SGK1: variants seen among roughly 807,000 people sequenced by gnomAD.
The protein encoded by SGK1 is serine/threonine-protein kinase Sgk1.
A neutral mutation model predicts 64.2 loss-of-function variants in SGK1; 26 were observed. The ratio of observed to expected loss-of-function variants is 0.40; its 90% CI spans 0.30 to 0.56. The LOEUF is 0.56. SGK1 is among the 20% of genes least tolerant of loss of function. The pLI, the probability that SGK1 is intolerant of heterozygous loss-of-function variation, is 0.38. For synonymous variants in SGK1, 265 were observed against 239.7 expected, an observed-to-expected ratio of 1.11 and a Z score of -0.98; for missense variants, 519 against 645.6, an observed-to-expected ratio of 0.80 and a Z score of 2.12.
At chr6:134,247,939 T>C (rs1776549763) in intron 2 of SGK1, among the ~76,000 whole-genome samples, 1 of 152,130 alleles carries the variant, frequency 6.6e-6, no homozygotes. Context: ...ATCATGAAAA[T>C]ATATACAGCT....
intron 3 of SGK1, among the ~76,000 whole-genome samples, chr6:134,177,506 C>G (rs1259993946): frequency 6.6e-6 from 1 of 152,210 alleles, no homozygotes; most frequent in Non-Finnish European, 1.5e-5. Flanking sequence ...GAAACATCAA[C>G]CTGCACACAG....
rs750574360 is a variant in SGK1, at chr6:134,170,374, G to A, written c.1475C>T (p.Ser492Phe). The A allele has an allele frequency of 6.2e-7, 1 of 1,614,142 alleles. No homozygotes were observed. Among genetic ancestry groups the A allele is most frequent in the Non-Finnish European group, 8.5e-7 (1 of 1,179,984 alleles). The part of the protein sequence containing the change: ...PEFTEEPVPN[S>F]IGKSPDSVLV... ...GACGCTGTCAGGGGACTTGCCAATG[G>A]AGTTGGGGACAGGCTCTTCGGTAAA... The change falls in exon 14 of 14, where the codon TCC becomes TTC. Residue 492 changes from serine (S) to phenylalanine (F), a missense_variant. Around this residue, in one of 2 missense-constraint regions of SGK1, gnomAD observed 278 missense variants for 408.7 expected, o/e 0.68. Coordinates refer to ENST00000367858, the MANE Select transcript of SGK1 (RefSeq NM_001143676.3).
At chr6:134,231,984 A>G (rs916927911) in intron 2 of SGK1, among the ~76,000 whole-genome samples, 1 of 151,280 alleles carries the variant, frequency 6.6e-6, no homozygotes, top group Non-Finnish European at 1.5e-5. Context: ...GGTTGCAGTA[A>G]GCCAAGATTT....
At chr6:134,298,711 T>C in intron 1 of SGK1, 1 of 747,400 alleles carries the variant, frequency 1.3e-6, no homozygotes, top group Non-Finnish European at 2.1e-6. Flanking sequence ...GAGGCAGGAG[T>C]GGAGGCAGGC....
intron 3 of SGK1, among the ~76,000 whole-genome samples, chr6:134,181,363 A>G (rs1775328492): frequency 6.6e-6 from 1 of 151,840 alleles, no homozygotes; most frequent in South Asian, 2.1e-4. Flanking sequence ...TTTTTTTGAG[A>G]CGGAGGAGTC....
At chr6:134,298,025 C>T in intron 1 of SGK1, 1 of 925,030 alleles carries the variant, frequency 1.1e-6, no homozygotes, top group Non-Finnish European at 1.8e-6. Flanking sequence ...ACTGCAGCTC[C>T]CGATCTCTTC....
At chr6:134,202,573 G>A (rs965426452) in intron 3 of SGK1, among the ~76,000 whole-genome samples, 10 of 152,032 alleles carry the variant, frequency 6.6e-5, no homozygotes, top group Admixed American at 5.2e-4. Flanking sequence ...GCTTATACCC[G>A]GGAGGTGGAA....
At chr6:134,246,377 G>A (rs559944010) in intron 2 of SGK1, among the ~76,000 whole-genome samples, 30 of 150,998 alleles carry the variant, frequency 2.0e-4, no homozygotes, top group African/African-American at 6.8e-4. Flanking sequence ...GGCTGGTCTC[G>A]AACTCCTGAC....
intron 1 of SGK1, among the ~76,000 whole-genome samples, chr6:134,311,977 C>G (rs1273209651): frequency 6.6e-6 from 1 of 152,198 alleles, no homozygotes; most frequent in Non-Finnish European, 1.5e-5. Flanking sequence ...ACATCAACAA[C>G]AACAACAACA....
chr6:134,198,458 TG>T (rs1775629258), intron 3 of SGK1, among the ~76,000 whole-genome samples: 1 of 152,192 alleles, frequency 6.6e-6, no homozygotes. Flanking sequence ...GCTATAAATA[TG>T]AGTATTTTGC....
intron 1 of SGK1, among the ~76,000 whole-genome samples, chr6:134,284,167 A>G (rs542916601): frequency 6.6e-6 from 1 of 152,250 alleles, no homozygotes; most frequent in Admixed American, 6.5e-5. Flanking sequence ...ATCTCAGCTC[A>G]CTGCAACCTC....
At chr6:134,308,917 G>C (rs371032467) in intron 1 of SGK1, among the ~76,000 whole-genome samples, 32 of 152,062 alleles carry the variant, frequency 2.1e-4, no homozygotes, top group African/African-American at 7.5e-4. Context: ...TTATCCTCCA[G>C]AGACAACAGA....
intron 2 of SGK1, among the ~76,000 whole-genome samples, chr6:134,228,899 A>T (rs1776232001): frequency 7.1e-6 from 1 of 141,496 alleles, no homozygotes; most frequent in African/African-American, 2.7e-5. Flanking sequence ...GTGGGACTGC[A>T]GTGGCGCGAT....
chr6:134,216,708 G>A lies in SGK1; in HGVS notation c.286-9277C>T, dbSNP rs79514990. 1.2e-3 allele frequency among the ~76,000 whole-genome samples: 188 copies of A among 152,268 alleles called. 1 individual carries two copies. The highest frequency in any genetic ancestry group is 4.3e-3 in the African/African-American group (180 of 41,550). On this transcript the variant is annotated intron_variant, in intron 2 of 13. Transcript: ENST00000367858. ...ATGTACCTCTAAATGTGAAGTATGC[G>A]GTAGAGCTAATGTTTTGTCAGAGTT...
At chr6:134,207,752 C>T (rs893576394) in intron 2 of SGK1, among the ~76,000 whole-genome samples, 3 of 152,100 alleles carry the variant, frequency 2.0e-5, no homozygotes, top group African/African-American at 7.2e-5. Flanking sequence ...ACTGCACAGC[C>T]GTATGAAGAG....
At chr6:134,225,203 G>A (rs1020007058) in intron 2 of SGK1, among the ~76,000 whole-genome samples, 2 of 151,324 alleles carry the variant, frequency 1.3e-5, no homozygotes, top group East Asian at 2.0e-4. Flanking sequence ...TACAGAAAAT[G>A]AGCCTGGTGT....
At position 134,170,239 on chromosome 6, in the gene SGK1, A is replaced by C; in HGVS notation, c.*29T>G. ...CTAAAACATTCGGAAACACACATAA[A>C]ATCCTTTAAAACCAAGCCCTAACAG... On this transcript the variant is annotated 3_prime_UTR_variant, in exon 14 of 14. Coordinates refer to ENST00000367858, the MANE Select transcript of SGK1 (RefSeq NM_001143676.3). 6.4e-7 allele frequency: 1 copy of C among 1,567,064 alleles called. No homozygotes were observed. The highest frequency in any genetic ancestry group is 8.7e-7 in the Non-Finnish European group (1 of 1,148,612).
intron 2 of SGK1, among the ~76,000 whole-genome samples, chr6:134,250,451 A>G (rs1340106969): frequency 1.3e-5 from 2 of 152,200 alleles, no homozygotes; most frequent in Non-Finnish European, 2.9e-5. Flanking sequence ...AGTTTGATTT[A>G]TTTACTAGGT....
chr6:134,184,215 C>T (rs903563486), intron 3 of SGK1, among the ~76,000 whole-genome samples: 37 of 152,036 alleles, frequency 2.4e-4, no homozygotes, highest in African/African-American at 8.7e-4. Flanking sequence ...ATATCACTTA[C>T]AGGCCGGGAG....
Sources: allele counts gnomAD v4.1 joint callset (sites outside exome capture counted in the v4.1 genomes callset), GRCh38; gene constraint gnomAD v4.1.1; regional missense constraint gnomAD v4.1.1; transcripts MANE v1.5; gene names NCBI Gene and HGNC (gene_info 2026-07-23, HGNC 2026-07-21).